Variants in CTBS observed in about 807,000 individuals in gnomAD.
CTBS encodes the protein chitobiase.
A neutral mutation model predicts 44.3 loss-of-function variants in CTBS; 35 were observed. The ratio of observed to expected loss-of-function variants is 0.79; its 90% CI spans 0.60 to 1.05. CTBS has a LOEUF of 1.05. Ranked by LOEUF, CTBS falls within the 50% of genes least tolerant of loss-of-function variation. The probability of loss-of-function intolerance (pLI) is 0.00; values close to 1 mark genes in which losing one functional copy is unlikely to be tolerated. For missense variants in CTBS, 458 were observed against 475.3 expected (o/e 0.96, Z 0.34); for synonymous variants, 143 against 168.0 (o/e 0.85, Z 1.15).
At chr1:84,563,452 T>C in intron 5 of CTBS, 34 bp from the exon 6 acceptor site, 1 of 1,404,700 alleles carries the variant, frequency 7.1e-7, no homozygotes, top group South Asian at 1.8e-5. Flanking sequence ...TTATATATTA[T>C]CAATTATGCA....
At position 84,551,001 on chromosome 1, in the gene CTBS, C is replaced by G; in HGVS notation, c.*3998G>C. On this transcript the variant is annotated 3_prime_UTR_variant, in exon 7 of 7. Transcript: ENST00000370630. ...TGTTAAGTTTCCTTCCTGGCAGAGA[C>G]TATGCCTTAGTTAACTTTGTTTCTC... 1.0e-6 allele frequency: 1 copy of G among 984,890 alleles called. No homozygotes were observed. The highest frequency in any genetic ancestry group is 1.2e-6 in the Non-Finnish European group (1 of 829,528). 61.0% of individuals were successfully genotyped at this position (984,890 alleles called of 1,614,324 possible). A position where few individuals can be genotyped will look rare whatever the true frequency, so the allele number is the denominator to read the frequency against.
intron 1 of CTBS, among the ~76,000 whole-genome samples, chr1:84,571,194 A>G (rs1012259202): frequency 1.3e-5 from 2 of 152,238 alleles, no homozygotes; most frequent in African/African-American, 4.8e-5. Context: ...CAGTGGGAAA[A>G]GGATTAAAGA....
At chr1:84,560,094 AAAAAAAG>A (rs1391146323) in intron 6 of CTBS, among the ~76,000 whole-genome samples, 11 of 132,022 alleles carry the variant, frequency 8.3e-5, no homozygotes, top group African/African-American at 2.5e-4. Context: ...AAAAAAAAAA[AAAAAAAG>A]AAAGAAAGAA....
At chr1:84,559,143 C>T (rs1684535824) in intron 6 of CTBS, among the ~76,000 whole-genome samples, 1 of 152,142 alleles carries the variant, frequency 6.6e-6, no homozygotes, top group Non-Finnish European at 1.5e-5. Flanking sequence ...AACAAGTCTA[C>T]TGGTGCCATT....
intron 6 of CTBS, among the ~76,000 whole-genome samples, chr1:84,560,912 C>T (rs993609431): frequency 6.6e-6 from 1 of 152,204 alleles, no homozygotes; most frequent in Admixed American, 6.5e-5. Flanking sequence ...TATTACTGCT[C>T]ATTGACAATG....
chr1:84,558,154 G>A (rs939288944), intron 6 of CTBS, among the ~76,000 whole-genome samples: 2 of 152,006 alleles, frequency 1.3e-5, no homozygotes, highest in Non-Finnish European at 2.9e-5. Flanking sequence ...TGGATTTTAA[G>A]TGTTCTTACC....
rs932047814 is a variant in CTBS, at chr1:84,552,851, G to A, written c.*2148C>T. 4 of 513,910 alleles carry A rather than the reference G, an allele frequency of 7.8e-6. No individual in the cohort carries two copies. The Admixed American group carries it at 1.2e-4, about 15-fold the overall frequency. The allele number at this position is 513,910 out of a possible 1,614,324, so 31.8% of individuals were successfully genotyped here. On this transcript the variant is annotated 3_prime_UTR_variant, in exon 7 of 7. Coordinates refer to ENST00000370630, the MANE Select transcript of CTBS (RefSeq NM_004388.3). ...GCATATCTCACCAGTAGATAAGCAT[G>A]CTTATTAAACAGCATTCATAATCTA...
chr1:84,552,965 C>A lies in CTBS; in HGVS notation c.*2034G>T. On this transcript the variant is annotated 3_prime_UTR_variant, in exon 7 of 7. Coordinates refer to ENST00000370630, the MANE Select transcript of CTBS (RefSeq NM_004388.3). ...AAAGCGGTTACAAAAACCCTGTTTA[C>A]ATGACAACTATGATGTACTTTTAGA... 1 of 1,048,086 alleles carries A rather than the reference C, an allele frequency of 9.5e-7. No individual in the cohort carries two copies. The highest frequency in any genetic ancestry group is 1.4e-6 in the Non-Finnish European group (1 of 728,498). 64.9% of individuals were successfully genotyped at this position (1,048,086 alleles called of 1,614,324 possible).
At chr1:84,555,290 G>A (rs1168984903) in intron 6 of CTBS, 91 bp from the exon 7 acceptor site, 2 of 980,482 alleles carry the variant, frequency 2.0e-6, no homozygotes, top group Non-Finnish European at 2.9e-6. Context: ...ATACAGTACA[G>A]TAAGAGGGAA....
At chr1:84,567,200 G>A (rs941545187) in intron 3 of CTBS, among the ~76,000 whole-genome samples, 7 of 151,944 alleles carry the variant, frequency 4.6e-5, no homozygotes, top group African/African-American at 1.5e-4. Context: ...TTATAATTCC[G>A]TGAATATTAG....
At chr1:84,564,561 T>C (rs1485671439) in intron 4 of CTBS, among the ~76,000 whole-genome samples, 1 of 152,202 alleles carries the variant, frequency 6.6e-6, no homozygotes, top group African/African-American at 2.4e-5. Context: ...TTATTTATGA[T>C]ACAAAGTATC....
chr1:84,557,835 G>C (rs1258972338), intron 6 of CTBS, among the ~76,000 whole-genome samples: 2 of 150,446 alleles, frequency 1.3e-5, no homozygotes, highest in East Asian at 3.9e-4. Context: ...ACCAGCGTGG[G>C]CGACATAGTG....
At position 84,550,308 on chromosome 1, in the gene CTBS, G is replaced by T; in HGVS notation, c.*4691C>A. Reference sequence around the variant, plus strand: ...TCCAAAGCAATTTAGTTTACTTTACGGAATAGGTTATTTTCATGATTTACT... The same window carrying T: ...TCCAAAGCAATTTAGTTTACTTTACTGAATAGGTTATTTTCATGATTTACT... On this transcript the variant is annotated 3_prime_UTR_variant, in exon 7 of 7. Coordinates refer to ENST00000370630, the MANE Select transcript of CTBS (RefSeq NM_004388.3). The T allele has an allele frequency of 2.2e-6, 1 of 457,378 alleles. No individual in the cohort carries two copies. The allele number at this position is 457,378 out of a possible 1,614,324, so 28.3% of individuals were successfully genotyped here. A position where few individuals can be genotyped will look rare whatever the true frequency, so the allele number is the denominator to read the frequency against.
chr1:84,553,177 C>T lies in CTBS; in HGVS notation c.*1822G>A. 2.9e-6 allele frequency: 3 copies of T among 1,050,368 alleles called. No homozygotes were observed. Among genetic ancestry groups the T allele is most frequent in the Non-Finnish European group, 4.1e-6 (3 of 736,046 alleles). The allele number at this position is 1,050,368 out of a possible 1,614,324, so 65.1% of individuals were successfully genotyped here. ...AAAAAAATTTAAATATGTATTTGAA[C>T]AGATTTGTTTAACCATTATTCTCCT... is the stretch of plus-strand genomic sequence containing the variant. On this transcript the variant is annotated 3_prime_UTR_variant, in exon 7 of 7. Transcript: ENST00000370630.
Position 84,570,671 on chromosome 1 carries a change from G to A in CTBS, c.227C>T (p.Ser76Leu). The A allele has an allele frequency of 6.2e-7, 1 of 1,613,892 alleles. No individual in the cohort carries two copies. Among genetic ancestry groups the A allele is most frequent in the Non-Finnish European group, 8.5e-7 (1 of 1,179,838 alleles). ...GQKTWKSYDW[S>L]QITTVATFGK... The stretch of plus-strand genomic sequence containing the variant: ...AAATGTTGCCACAGTTGTAATCTGT[G>A]ACCAATCATAAGATTTCCAAGTTTT... The change falls in exon 2 of 7, where the codon TCA (serine) becomes TTA (leucine). Residue 76 changes from serine to leucine, a missense_variant. Ser to Leu is a moderately radical substitution (Grantham distance 145, BLOSUM62 -2). Transcript: ENST00000370630.
chr1:84,565,988 G>T lies in CTBS; in HGVS notation c.550C>A (p.Pro184Thr). Reference sequence around the variant, plus strand: ...TAGCATCTTCTGTCTATGTTCTTTGGAGACCAAGCTACATCAAAGGTTACC... The same window carrying T: ...TAGCATCTTCTGTCTATGTTCTTTGTAGACCAAGCTACATCAAAGGTTACC... ...SQVTFDVAWS[P>T]KNIDRRCYNY... Residue 184 changes from proline (P) to threonine (T), a missense_variant, in exon 4 of 7, where the codon CCA (proline) becomes ACA (threonine). Transcript: ENST00000370630. The T allele has an allele frequency of 6.4e-7, 1 of 1,564,656 alleles. No individual in the cohort carries two copies. Among genetic ancestry groups the T allele is most frequent in the Non-Finnish European group, 8.6e-7 (1 of 1,156,442 alleles).
chr1:84,571,877 G>T (rs145492211), intron 1 of CTBS, among the ~76,000 whole-genome samples: 1 of 152,152 alleles, frequency 6.6e-6, no homozygotes, highest in Non-Finnish European at 1.5e-5. Flanking sequence ...ATGGACAAAA[G>T]ATTGCATTCT....
At position 84,550,912 on chromosome 1, in the gene CTBS, T is replaced by G. The variant is rs539025496; in HGVS notation, c.*4087A>C. On this transcript the variant is annotated 3_prime_UTR_variant, in exon 7 of 7. Coordinates refer to ENST00000370630, the MANE Select transcript of CTBS (RefSeq NM_004388.3). The stretch of plus-strand genomic sequence containing the variant: ...TAATTTTTTATGGGTAATCGTTTCA[T>G]TTTTTCTGGTTATTTTCATATGTAT... 164 of 978,278 alleles carry G rather than the reference T, an allele frequency of 1.7e-4. No homozygotes were observed. The highest frequency in any genetic ancestry group is 2.5e-4 in the Admixed American group (4 of 16,236). The allele number at this position is 978,278 out of a possible 1,614,324, so 60.6% of individuals were successfully genotyped here.
rs1684358081 is a variant in CTBS at position 84,554,149 on chromosome 1, A to G, written c.*850T>C. The G allele has an allele frequency of 6.6e-6, 1 of 152,182 alleles. No individual in the cohort carries two copies. The highest frequency in any genetic ancestry group is 2.4e-5 in the African/African-American group (1 of 41,444). The allele number at this position is 152,182 out of a possible 1,614,324, so 9.4% of individuals were successfully genotyped here. A position where few individuals can be genotyped will look rare whatever the true frequency, so the allele number is the denominator to read the frequency against. Reference sequence around the variant, plus strand: ...AATAAAAAAGATACATTGCAGATGTAGAAAGAAAAATTTAACCATGTAAGC... The same window carrying G: ...AATAAAAAAGATACATTGCAGATGTGGAAAGAAAAATTTAACCATGTAAGC... On this transcript the variant is annotated 3_prime_UTR_variant, in exon 7 of 7. Transcript: ENST00000370630.
Sources: gnomAD v4.1 joint callset for allele counts (sites outside exome capture counted in the v4.1 genomes callset) on GRCh38, gnomAD v4.1.1 for gene constraint, MANE v1.5 for transcripts, NCBI Gene and HGNC (gene_info 2026-07-23, HGNC 2026-07-21) for gene names.